The following SIAH1 variants were observed in gnomAD, a reference collection of about 807,000 sequenced individuals.
SIAH1 encodes siah E3 ubiquitin protein ligase 1.
A neutral mutation model predicts 20.0 loss-of-function variants in SIAH1; 2 were observed. The observed-to-expected ratio is 0.10, with a 90% CI of 0.04 to 0.31. SIAH1 has a LOEUF of 0.31. SIAH1 is among the 10% of genes least tolerant of loss of function. The pLI is 1.00. For synonymous variants in SIAH1, 118 were observed against 125.3 expected, an observed-to-expected ratio of 0.94 and a Z score of 0.39; for missense variants, 119 against 355.3, an observed-to-expected ratio of 0.33 and a Z score of 5.35.
intron 1 of SIAH1, 60 bp downstream of exon 1, chr16:48,385,144 C>A: frequency 5.0e-6 from 1 of 201,716 alleles, no homozygotes; most frequent in Admixed American, 5.7e-5. Context: ...CGGGCCTGGG[C>A]GCCCGCCTGT....
chr16:48,378,188 C>A (rs967684293), intron 1 of SIAH1, among the ~76,000 whole-genome samples: 1 of 152,094 alleles, frequency 6.6e-6, no homozygotes, highest in African/African-American at 2.4e-5. Flanking sequence ...CCCATCTCTA[C>A]TAAAAACACA....
At chr16:48,380,684 G>A (rs1192867123) in intron 1 of SIAH1, among the ~76,000 whole-genome samples, 4 of 151,966 alleles carry the variant, frequency 2.6e-5, no homozygotes, top group African/African-American at 4.8e-5. Context: ...ACCACTTTGG[G>A]AGGCCGAGGT....
intron 1 of SIAH1, among the ~76,000 whole-genome samples, chr16:48,375,830 C>A (rs774101653): frequency 8.5e-5 from 13 of 152,224 alleles, no homozygotes; most frequent in Middle Eastern, 3.4e-3. Context: ...GGAAGGACAT[C>A]CAAACTGCAG....
chr16:48,380,305 G>T (rs1165092223), intron 1 of SIAH1, among the ~76,000 whole-genome samples: 3 of 151,872 alleles, frequency 2.0e-5, no homozygotes, highest in Non-Finnish European at 4.4e-5. Flanking sequence ...CGAGCACGGT[G>T]GGCTCGTTCC....
At chr16:48,375,110 C>A (rs1166329454) in intron 1 of SIAH1, among the ~76,000 whole-genome samples, 1 of 152,212 alleles carries the variant, frequency 6.6e-6, no homozygotes, top group Non-Finnish European at 1.5e-5. Flanking sequence ...GATGGTGCCA[C>A]TGAACTCCAG....
Position 48,380,665 on chromosome 16 carries a change from T to A in SIAH1, c.-3+4539A>T, listed in dbSNP as rs545903715. The stretch of plus-strand genomic sequence containing the variant: ...CAGGCCAGGCGCAGTGGCCCACGCC[T>A]GTAATCCCACCACTTTGGGAGGCCG... On this transcript the variant is annotated intron_variant, in intron 1 of 1. Transcript: ENST00000394725. 5.3e-5 allele frequency among the ~76,000 whole-genome samples: 8 copies of A among 152,038 alleles called. No individual in the cohort carries two copies. In the East Asian group the frequency reaches 1.6e-3, roughly 30 times the overall value.
At chr16:48,380,541 C>A (rs1961249512) in intron 1 of SIAH1, among the ~76,000 whole-genome samples, 1 of 152,054 alleles carries the variant, frequency 6.6e-6, no homozygotes, top group Admixed American at 6.6e-5. Context: ...AACTAACTCC[C>A]CACCAAAGAG....
chr16:48,361,955 T>G lies in SIAH1; in HGVS notation c.474A>C (p.Leu158=), dbSNP rs1304182008. 4 of 1,614,030 alleles carry G rather than the reference T, an allele frequency of 2.5e-6. No homozygotes were observed. In the African/African-American group the frequency reaches 4.0e-5, roughly 16 times the overall value. The change falls in exon 2 of 2, where the codon CTA becomes CTC. Residue 158 remains leucine, a synonymous_variant. Transcript: ENST00000394725. ...CAAGAAAAACTATATCCTCTCCCTG[T>G]AGGGTTGTAATGGACTTATGCTGAT... ...LMHQHKSITT[L]QGEDIVFLAT...
At chr16:48,379,159 CA>C (rs919897044) in intron 1 of SIAH1, among the ~76,000 whole-genome samples, 4 of 151,630 alleles carry the variant, frequency 2.6e-5, no homozygotes, top group African/African-American at 7.3e-5. Context: ...AGCCAAGAGA[CA>C]CATCCAGATC....
chr16:48,384,688 G>A (rs1299343340), intron 1 of SIAH1, among the ~76,000 whole-genome samples: 3 of 151,256 alleles, frequency 2.0e-5, no homozygotes, highest in Admixed American at 6.6e-5. Flanking sequence ...GGCCCGCCGA[G>A]CGGCGCGGTG....
chr16:48,375,053 G>A (rs1298169929), intron 1 of SIAH1, among the ~76,000 whole-genome samples: 2 of 152,122 alleles, frequency 1.3e-5, no homozygotes, highest in Admixed American at 6.5e-5. Flanking sequence ...TGGTGGCTAC[G>A]GCAAGATAAT....
upstream of SIAH1, chr16:48,387,218 GC>G (rs1961484164): frequency 6.6e-6 from 1 of 152,148 alleles, no homozygotes; most frequent in African/African-American, 2.4e-5. Context: ...CTTAGTTTGT[GC>G]CTGCTCTCCT....
chr16:48,363,026 G>C (rs1960664102), intron 1 of SIAH1: 1 of 166,756 alleles, frequency 6.0e-6, no homozygotes, highest in South Asian at 2.1e-4. Context: ...ATTGTATTAA[G>C]TAATCCAGAG....
At chr16:48,364,334 T>A (rs973369197) in intron 1 of SIAH1, among the ~76,000 whole-genome samples, 1 of 152,206 alleles carries the variant, frequency 6.6e-6, no homozygotes, top group Non-Finnish European at 1.5e-5. Flanking sequence ...GCAATGTTGG[T>A]TACCAATGTG....
At chr16:48,370,263 G>A (rs532565207) in intron 1 of SIAH1, among the ~76,000 whole-genome samples, 295 of 152,120 alleles carry the variant, frequency 1.9e-3, no homozygotes, top group Non-Finnish European at 3.5e-3. Context: ...CATTACTCTT[G>A]TAACTCCTTA....
At chr16:48,380,984 G>C (rs987921602) in intron 1 of SIAH1, among the ~76,000 whole-genome samples, 1 of 149,712 alleles carries the variant, frequency 6.7e-6, no homozygotes, top group Non-Finnish European at 1.5e-5. Flanking sequence ...CTCCAAATCC[G>C]GCCGAGGATA....
At chr16:48,373,782 T>C (rs370727986) in intron 1 of SIAH1, among the ~76,000 whole-genome samples, 2 of 152,206 alleles carry the variant, frequency 1.3e-5, no homozygotes. Context: ...ATCCTAAAAA[T>C]AGCCCACAAG....
chr16:48,367,596 T>A (rs1960875040), intron 1 of SIAH1, among the ~76,000 whole-genome samples: 1 of 152,230 alleles, frequency 6.6e-6, no homozygotes, highest in Admixed American at 6.5e-5. Flanking sequence ...TATTTAAGTT[T>A]TCAGCTGAGA....
At chr16:48,368,378 T>C (rs1219168323) in intron 1 of SIAH1, among the ~76,000 whole-genome samples, 2 of 152,186 alleles carry the variant, frequency 1.3e-5, no homozygotes, top group Non-Finnish European at 2.9e-5. Flanking sequence ...AACATGTTTA[T>C]TCTTAATTTA....
Sources: allele counts gnomAD v4.1 joint callset (sites outside exome capture counted in the v4.1 genomes callset), GRCh38; gene constraint gnomAD v4.1.1; transcripts MANE v1.5; gene names NCBI Gene and HGNC (gene_info 2026-07-23, HGNC 2026-07-21).